ATRNL1: variants seen among roughly 807,000 people sequenced by gnomAD.
ATRNL1 encodes attractin like 1.
ATRNL1 carries 95 observed loss-of-function variants against 182.7 expected under a neutral mutation model. That is an observed-to-expected ratio of 0.52 (90% CI 0.44 to 0.62). The LOEUF (loss-of-function observed/expected upper bound fraction) is 0.62. ATRNL1 is among the 20% of genes least tolerant of loss of function. The pLI, the probability that ATRNL1 is intolerant of heterozygous loss-of-function variation, is 0.00. For missense variants in ATRNL1, 1,471 were observed against 1,679.5 expected (o/e 0.88, Z 2.17); for synonymous variants, 576 against 568.3 (o/e 1.01, Z -0.19).
intron 27 of ATRNL1, among the ~76,000 whole-genome samples, chr10:115,837,469 CACACACACACACA>C (rs1950703240): frequency 7.6e-3 from 2 of 262 alleles, no homozygotes; most frequent in Non-Finnish European, 0.026. Flanking sequence ...TCCCAAGCCA[CACACACACACACA>C]CACACACACA....
intron 28 of ATRNL1, among the ~76,000 whole-genome samples, chr10:115,910,615 A>G (rs1045681816): frequency 6.6e-6 from 1 of 151,970 alleles, no homozygotes; most frequent in Non-Finnish European, 1.5e-5. Flanking sequence ...CCTTTAATGC[A>G]CTATACAGGA....
chr10:115,779,616 G>A lies in ATRNL1; in HGVS notation c.3903+52261G>A, dbSNP rs534100092. On this transcript the variant is annotated intron_variant, in intron 27 of 28. Transcript: ENST00000355044. ...GGCACTTGAAAGCTAAATATTAGGA[G>A]GACTGTGCATATATCCTTTTTTATT... 1.6e-3 allele frequency among the ~76,000 whole-genome samples: 243 copies of A among 152,228 alleles called. 11 individuals are homozygous for A. The South Asian group carries it at 0.049, about 31-fold the overall frequency.
intron 8 of ATRNL1, among the ~76,000 whole-genome samples, chr10:115,189,380 T>C (rs1564807778): frequency 1.3e-5 from 2 of 151,918 alleles, no homozygotes; most frequent in African/African-American, 2.4e-5. Flanking sequence ...AGGCAGGAGG[T>C]ATTCCAGAAG....
At chr10:115,419,792 G>GGA (rs1420364861) in intron 20 of ATRNL1, among the ~76,000 whole-genome samples, 1 of 152,082 alleles carries the variant, frequency 6.6e-6, no homozygotes, top group African/African-American at 2.4e-5. Flanking sequence ...AGATTTAAAG[G>GGA]GAGAGATAGA....
At chr10:115,937,263 A>G (rs1429842817) in intron 28 of ATRNL1, among the ~76,000 whole-genome samples, 2 of 152,238 alleles carry the variant, frequency 1.3e-5, no homozygotes, top group Non-Finnish European at 2.9e-5. Context: ...ATGATATGTT[A>G]AAGGCCAGGC....
At chr10:115,568,678 C>T (rs782435353) in intron 26 of ATRNL1, among the ~76,000 whole-genome samples, 7 of 151,658 alleles carry the variant, frequency 4.6e-5, no homozygotes, top group South Asian at 2.1e-4. Context: ...TTTTTAAAAA[C>T]GAAATTTGAT....
intron 25 of ATRNL1, among the ~76,000 whole-genome samples, chr10:115,535,136 T>C (rs2133763056): frequency 6.6e-6 from 1 of 151,348 alleles, no homozygotes; most frequent in South Asian, 2.1e-4. Flanking sequence ...CTGTATTTCC[T>C]GAATCTGAAT....
In ATRNL1 at chr10:115,680,857, A is replaced by T. The variant is rs948772685; in HGVS notation, c.3796-46391A>T. Among the ~76,000 whole-genome samples the T allele has an allele frequency of 2.6e-5, 4 of 152,138 alleles. No individual in the cohort carries two copies. The East Asian group carries it at 7.7e-4, about 29-fold the overall frequency. On this transcript the variant is annotated intron_variant, in intron 26 of 28. Transcript: ENST00000355044. Reference sequence around the variant, plus strand: ...ATCCTTGAGCTTTGGAAAGATAATCATGTGAATACCATGCTCTTTAACAGG... The same window carrying T: ...ATCCTTGAGCTTTGGAAAGATAATCTTGTGAATACCATGCTCTTTAACAGG...
At chr10:115,878,939 T>C (rs1218799115) in intron 28 of ATRNL1, among the ~76,000 whole-genome samples, 1 of 152,136 alleles carries the variant, frequency 6.6e-6, no homozygotes, top group Non-Finnish European at 1.5e-5. Context: ...GATGAAAATG[T>C]GTAGGCATAA....
intron 26 of ATRNL1, among the ~76,000 whole-genome samples, chr10:115,697,672 CTATTA>C (rs141016110): frequency 0.018 from 2,665 of 152,140 alleles, 72 homozygotes; most frequent in African/African-American, 0.061. Flanking sequence ...ATATATAATT[CTATTA>C]TAATTTACTT....
chr10:115,276,823 AT>A (rs1162542527), intron 13 of ATRNL1, among the ~76,000 whole-genome samples: 1 of 152,162 alleles, frequency 6.6e-6, no homozygotes, highest in Non-Finnish European at 1.5e-5. Context: ...TTTACCATTG[AT>A]TAACTTGGCT....
At chr10:115,760,569 G>C (rs189432003) in intron 27 of ATRNL1, among the ~76,000 whole-genome samples, 11 of 152,112 alleles carry the variant, frequency 7.2e-5, no homozygotes, top group Admixed American at 3.9e-4. Context: ...AAATATAAAT[G>C]TTGGGTTATT....
intron 19 of ATRNL1, among the ~76,000 whole-genome samples, chr10:115,378,961 G>C (rs2134224246): frequency 6.6e-6 from 1 of 152,250 alleles, no homozygotes; most frequent in East Asian, 1.9e-4. Flanking sequence ...CAAGGGATGG[G>C]CATAGGAACA....
At chr10:115,740,807 A>G (rs1948115597) in intron 27 of ATRNL1, among the ~76,000 whole-genome samples, 1 of 151,044 alleles carries the variant, frequency 6.6e-6, no homozygotes, top group African/African-American at 2.5e-5. Flanking sequence ...CACCCGGCCA[A>G]TCCTATCTCT....
intron 26 of ATRNL1, among the ~76,000 whole-genome samples, chr10:115,627,363 A>G (rs868919679): frequency 6.6e-6 from 1 of 151,884 alleles, no homozygotes; most frequent in South Asian, 2.1e-4. Flanking sequence ...TATGTCATGT[A>G]TTAGTATTTC....
chr10:115,328,985 G>T lies in ATRNL1; in HGVS notation c.3038-5297G>T, dbSNP rs116004454. ...TTTATTTCCTTTGGATATACACCCA[G>T]TAGTGAGATTGCTGGATCATATAGT... is the stretch of plus-strand genomic sequence containing the variant. On this transcript the variant is annotated intron_variant, in intron 18 of 28. Coordinates refer to ENST00000355044, the MANE Select transcript of ATRNL1 (RefSeq NM_207303.4). Among the ~76,000 whole-genome samples the T allele has an allele frequency of 2.0e-5, 3 of 152,158 alleles. No homozygotes were observed. In the East Asian group the frequency reaches 5.8e-4, roughly 29 times the overall value.
At chr10:115,844,142 G>A (rs1950875399) in intron 27 of ATRNL1, among the ~76,000 whole-genome samples, 1 of 152,112 alleles carries the variant, frequency 6.6e-6, no homozygotes, top group African/African-American at 2.4e-5. Flanking sequence ...AGGTTTTTGA[G>A]AAAGGATGTA....
chr10:115,631,796 A>G (rs1282293465), intron 26 of ATRNL1, among the ~76,000 whole-genome samples: 1 of 152,108 alleles, frequency 6.6e-6, no homozygotes, highest in Non-Finnish European at 1.5e-5. Flanking sequence ...TCGAGATCAC[A>G]TTTTGAAAGG....
At chr10:115,396,219 T>C (rs1844281380) in intron 20 of ATRNL1, among the ~76,000 whole-genome samples, 1 of 151,876 alleles carries the variant, frequency 6.6e-6, no homozygotes, top group Admixed American at 6.6e-5. Context: ...TAAATACAAG[T>C]TCACAGCAAA....
Sources: gnomAD v4.1 joint callset for allele counts (sites outside exome capture counted in the v4.1 genomes callset) on GRCh38, gnomAD v4.1.1 for gene constraint, MANE v1.5 for transcripts, NCBI Gene and HGNC (gene_info 2026-07-23, HGNC 2026-07-21) for gene names.